SLC35G2: variants seen among roughly 807,000 people sequenced by gnomAD.
SLC35G2 encodes solute carrier family 35 member G2.
In SLC35G2, 20 loss-of-function variants were observed where a neutral mutation model predicts 27.2. That is an observed-to-expected ratio of 0.74 (90% CI 0.52 to 1.07). SLC35G2 has a LOEUF of 1.07. Among genes scored for constraint, SLC35G2 ranks in the 50% least tolerant of loss-of-function variants. SLC35G2 has a pLI of 0.00. For synonymous variants in SLC35G2, 148 were observed against 165.3 expected, an observed-to-expected ratio of 0.90 and a Z score of 0.80; for missense variants, 416 against 493.3, an observed-to-expected ratio of 0.84 and a Z score of 1.48.
Position 136,855,885 on chromosome 3 carries a change from G to A in SLC35G2, c.*186G>A, listed in dbSNP as rs1214823303. 4.1e-5 allele frequency: 20 copies of A among 493,768 alleles called. No individual in the cohort carries two copies. The highest frequency in any genetic ancestry group is 4.0e-5 in the Non-Finnish European group (11 of 276,532). 30.6% of individuals were successfully genotyped at this position (493,768 alleles called of 1,614,324 possible). ...TACAAATATTAAATATATGAAATAC[G>A]TTATGAATCTGGTATCTTTATTGGT... On this transcript the variant is annotated 3_prime_UTR_variant, in exon 2 of 2. Coordinates refer to ENST00000446465, the MANE Select transcript of SLC35G2 (RefSeq NM_025246.3).
chr3:136,837,822 A>G (rs1936917327), intron 1 of SLC35G2: 1 of 149,592 alleles, frequency 6.7e-6, no homozygotes, highest in Non-Finnish European at 1.5e-5. Flanking sequence ...TTGACACCAC[A>G]TGTTCCTGGT....
intron 1 of SLC35G2, among the ~76,000 whole-genome samples, chr3:136,844,470 C>T (rs1026264083): frequency 2.8e-5 from 4 of 143,062 alleles, no homozygotes; most frequent in Non-Finnish European, 6.0e-5. Context: ...GCCTGGGAGA[C>T]AGAGCGAGAC....
intron 1 of SLC35G2, chr3:136,842,121 C>T (rs899498015): frequency 6.6e-6 from 1 of 152,050 alleles, no homozygotes; most frequent in Non-Finnish European, 1.5e-5. Flanking sequence ...ATTTATTGCT[C>T]TTGAGTTCAA....
chr3:136,828,127 T>C (rs1936636439), intron 1 of SLC35G2, among the ~76,000 whole-genome samples: 1 of 152,232 alleles, frequency 6.6e-6, no homozygotes, highest in South Asian at 2.1e-4. Flanking sequence ...GCACCCAACC[T>C]TTTTAATGTT....
chr3:136,824,532 G>A (rs1936537583), intron 1 of SLC35G2, among the ~76,000 whole-genome samples: 1 of 152,054 alleles, frequency 6.6e-6, no homozygotes, highest in South Asian at 2.1e-4. Context: ...GTTCACTGTT[G>A]GCATATAGAA....
rs1458364098 is a variant in SLC35G2 at position 136,855,295 on chromosome 3, AAGG to A, written c.838_840del (p.Glu280del). 1 of 1,614,096 alleles carries A rather than the reference AAGG, an allele frequency of 6.2e-7. No homozygotes were observed. The highest frequency in any genetic ancestry group is 8.5e-7 in the Non-Finnish European group (1 of 1,180,022). On this transcript the variant is annotated inframe_deletion, in exon 2 of 2. Transcript: ENST00000446465. ...CTCAATGATAGTATACAGATCCATC[AAGG>A]AGAAGATCAGCATGTGGACTGCACT... is the stretch of plus-strand genomic sequence containing the variant.
In SLC35G2 at chr3:136,820,587, T is replaced by G. The variant is rs536343897; in HGVS notation, c.-19+959T>G. 6.8e-4 allele frequency: 104 copies of G among 152,386 alleles called. 1 individual carries two copies. The highest frequency in any genetic ancestry group is 2.2e-3 in the African/African-American group (92 of 41,598). 9.4% of individuals were successfully genotyped at this position (152,386 alleles called of 1,614,324 possible). ...ACACCATGAGCGTAAACAGGAATTC[T>G]CACATATACTTATGAAAGATACAGG... On this transcript the variant is annotated intron_variant, in intron 1 of 1. Coordinates refer to ENST00000446465, the MANE Select transcript of SLC35G2 (RefSeq NM_025246.3).
intron 1 of SLC35G2, among the ~76,000 whole-genome samples, chr3:136,847,846 G>A (rs1378538046): frequency 1.3e-5 from 2 of 152,018 alleles, no homozygotes; most frequent in Admixed American, 1.3e-4. Flanking sequence ...TGGCTGTGGT[G>A]GGTGCCTGTA....
chr3:136,845,009 T>C (rs1196721491), intron 1 of SLC35G2, among the ~76,000 whole-genome samples: 1 of 152,154 alleles, frequency 6.6e-6, no homozygotes, highest in African/African-American at 2.4e-5. Context: ...AAAGCCCTTG[T>C]TGGTTCCATA....
At chr3:136,838,246 C>CATATATATATATATATATATAT (rs6148084) in intron 1 of SLC35G2, 9 of 141,024 alleles carry the variant, frequency 6.4e-5, no homozygotes, top group African/African-American at 2.4e-4. Context: ...GTAGCATATA[C>CATATATATATATATATATATAT]ATATATATAT....
intron 1 of SLC35G2, among the ~76,000 whole-genome samples, chr3:136,826,498 T>G (rs900914383): frequency 6.6e-6 from 1 of 152,194 alleles, no homozygotes; most frequent in African/African-American, 2.4e-5. Flanking sequence ...AATCTTGGTG[T>G]TTTATATGTG....
intron 1 of SLC35G2, chr3:136,846,571 T>G (rs915240957): frequency 1.3e-5 from 2 of 152,212 alleles, no homozygotes; most frequent in African/African-American, 4.8e-5. Flanking sequence ...ATGATACTGG[T>G]TTAGAGCACT....
intron 1 of SLC35G2, among the ~76,000 whole-genome samples, chr3:136,835,966 A>G (rs1326274071): frequency 2.6e-5 from 4 of 152,084 alleles, no homozygotes; most frequent in Non-Finnish European, 4.4e-5. Flanking sequence ...TTCTGCCACA[A>G]TCATTGCAGT....
chr3:136,853,666 T>C (rs1056815544), intron 1 of SLC35G2, among the ~76,000 whole-genome samples: 1 of 152,244 alleles, frequency 6.6e-6, no homozygotes, highest in Non-Finnish European at 1.5e-5. Flanking sequence ...GGCATCTTTA[T>C]ATAATTTCTT....
chr3:136,853,373 G>T (rs113077001), intron 1 of SLC35G2, among the ~76,000 whole-genome samples: 9,236 of 114,770 alleles, frequency 0.08, 327 homozygotes, highest in Non-Finnish European at 0.12. Flanking sequence ...CAAAATGCTG[G>T]GATTACAGGT....
At chr3:136,839,929 C>T (rs1177030893) in intron 1 of SLC35G2, among the ~76,000 whole-genome samples, 2 of 152,168 alleles carry the variant, frequency 1.3e-5, no homozygotes, top group Non-Finnish European at 1.5e-5. Context: ...GTAATTTCCA[C>T]CCACTTCTAT....
intron 1 of SLC35G2, among the ~76,000 whole-genome samples, chr3:136,853,448 C>T (rs1381609859): frequency 6.6e-6 from 1 of 152,112 alleles, no homozygotes; most frequent in Non-Finnish European, 1.5e-5. Context: ...TATGAACATT[C>T]ATTGTAGTAA....
At chr3:136,854,319 C>CT (rs1247858275) in intron 1 of SLC35G2, 124 bp from the exon 2 acceptor site, 71 of 646,068 alleles carry the variant, frequency 1.1e-4, no homozygotes, top group African/African-American at 1.8e-4. Context: ...TCTCTAATTT[C>CT]TTTTTTTTCT....
chr3:136,825,573 C>T (rs1023118273), intron 1 of SLC35G2, among the ~76,000 whole-genome samples: 1 of 152,020 alleles, frequency 6.6e-6, no homozygotes, highest in Non-Finnish European at 1.5e-5. Context: ...GGGATATGTT[C>T]CTTCTGTGCC....
Sources: allele counts gnomAD v4.1 joint callset (sites outside exome capture counted in the v4.1 genomes callset), GRCh38; gene constraint gnomAD v4.1.1; transcripts MANE v1.5; gene names NCBI Gene and HGNC (gene_info 2026-07-23, HGNC 2026-07-21).